Variants in DSCAM observed in about 807,000 individuals in gnomAD.
DSCAM encodes DS cell adhesion molecule.
A neutral mutation model predicts 217.7 loss-of-function variants in DSCAM; 47 were observed. The ratio of observed to expected loss-of-function variants is 0.22; its 90% CI spans 0.17 to 0.28. The LOEUF is 0.28. Ranked by LOEUF, DSCAM falls within the 10% of genes least tolerant of loss-of-function variation. The probability of loss-of-function intolerance (pLI) is 1.00; values close to 1 mark genes in which losing one functional copy is unlikely to be tolerated. For synonymous variants in DSCAM, 1,056 were observed against 1,015.3 expected, an observed-to-expected ratio of 1.04 and a Z score of -0.76; for missense variants, 2,080 against 2,618.3, an observed-to-expected ratio of 0.79 and a Z score of 4.49.
At chr21:40,376,532 GATATCGATATATCTTATATCGATATCT>G in intron 3 of DSCAM, among the ~76,000 whole-genome samples, 1 of 87,702 alleles carries the variant, frequency 1.1e-5, no homozygotes, top group East Asian at 3.4e-4. Context: ...ATCTTATATA[GATATCGATATATCTTATATCGATATCT>G]ATATATCTTA....
At chr21:40,660,885 A>T (rs1398087938) in intron 3 of DSCAM, among the ~76,000 whole-genome samples, 1 of 152,170 alleles carries the variant, frequency 6.6e-6, no homozygotes, top group African/African-American at 2.4e-5. Context: ...TGCTGAAGAA[A>T]AGCAGCCTCC....
At chr21:40,498,317 T>C (rs2076135479) in intron 3 of DSCAM, among the ~76,000 whole-genome samples, 1 of 151,958 alleles carries the variant, frequency 6.6e-6, no homozygotes, top group Non-Finnish European at 1.5e-5. Flanking sequence ...TTTGATTATC[T>C]AAAAATGGGA....
rs375027705 is a variant in DSCAM, at chr21:40,121,966, C to T, written c.3696+2229G>A. 2.6e-5 allele frequency among the ~76,000 whole-genome samples: 4 copies of T among 152,072 alleles called. No individual in the cohort carries two copies. The East Asian group carries it at 5.8e-4, about 22-fold the overall frequency. Reference sequence around the variant, plus strand: ...TTGGCTTCCCAAAGTGCTGGGATTACAGGCGTGAGCCACCGTGCCTTGCTG... The same window carrying T: ...TTGGCTTCCCAAAGTGCTGGGATTATAGGCGTGAGCCACCGTGCCTTGCTG... On this transcript the variant is annotated intron_variant, in intron 20 of 32. Transcript: ENST00000400454.
At chr21:40,145,437 G>A (rs927416668) in intron 16 of DSCAM, among the ~76,000 whole-genome samples, 1 of 152,104 alleles carries the variant, frequency 6.6e-6, no homozygotes, top group Non-Finnish European at 1.5e-5. Context: ...ATTAAATGTG[G>A]GGCAAGAGAG....
intron 19 of DSCAM, among the ~76,000 whole-genome samples, chr21:40,126,620 A>G (rs2090096544): frequency 6.6e-6 from 1 of 152,226 alleles, no homozygotes; most frequent in Admixed American, 6.5e-5. Flanking sequence ...TTAGGGAATA[A>G]ATACATATTT....
intron 3 of DSCAM, among the ~76,000 whole-genome samples, chr21:40,493,225 A>G (rs932414027): frequency 1.3e-5 from 2 of 152,228 alleles, no homozygotes; most frequent in African/African-American, 4.8e-5. Context: ...ATTTTTAAAT[A>G]TTAGCTTATT....
intron 6 of DSCAM, among the ~76,000 whole-genome samples, chr21:40,340,747 C>CT (rs1426801919): frequency 1.3e-5 from 2 of 152,040 alleles, no homozygotes; most frequent in African/African-American, 4.8e-5. Flanking sequence ...TGTTGAATAT[C>CT]TTTTTTGTTG....
At chr21:40,041,019 ATCAT>A (rs1302304630) in intron 32 of DSCAM, among the ~76,000 whole-genome samples, 10 of 152,212 alleles carry the variant, frequency 6.6e-5, no homozygotes, top group African/African-American at 2.4e-4. Flanking sequence ...AAAGGAAGCC[ATCAT>A]TCTTTATTGG....
At chr21:40,013,411 G>A in intron 32 of DSCAM, 25 bp from the exon 33 acceptor site, 2 of 1,483,032 alleles carry the variant, frequency 1.3e-6, no homozygotes, top group Non-Finnish European at 1.8e-6. Context: ...AGGGTAGTTA[G>A]TTGGTGTCTT....
intron 1 of DSCAM, among the ~76,000 whole-genome samples, chr21:40,807,833 C>T (rs377231733): frequency 1.5e-4 from 23 of 152,136 alleles, no homozygotes; most frequent in African/African-American, 5.5e-4. Flanking sequence ...TCTTATCTGT[C>T]CGAGGGGTAT....
rs111382086 is a variant in DSCAM, at chr21:40,456,770, T to C, written c.509-87525A>G. Among the ~76,000 whole-genome samples, 1,280 of 152,304 alleles carry C rather than the reference T, an allele frequency of 8.4e-3. 24 individuals are homozygous for C. Among genetic ancestry groups the C allele is most frequent in the African/African-American group, 0.029 (1,204 of 41,566 alleles). On this transcript the variant is annotated intron_variant, in intron 3 of 32. Transcript: ENST00000400454. ...ATAGGTAAAGCAAATATTGCATATA[T>C]TGATTGTACAATCCAGGTAATGGTT...
chr21:40,261,550 T>C (rs955281492), intron 11 of DSCAM, among the ~76,000 whole-genome samples: 3 of 152,062 alleles, frequency 2.0e-5, no homozygotes, highest in Non-Finnish European at 4.4e-5. Context: ...TAGAGCTTGA[T>C]GGCTTTCAGA....
chr21:40,820,942 T>C (rs550957157), intron 1 of DSCAM, among the ~76,000 whole-genome samples: 33 of 151,818 alleles, frequency 2.2e-4, no homozygotes, highest in Non-Finnish European at 2.4e-4. Context: ...ATCAATAATT[T>C]AGTACAGCAA....
At chr21:40,101,835 T>C (rs1296931874) in intron 20 of DSCAM, among the ~76,000 whole-genome samples, 1 of 151,868 alleles carries the variant, frequency 6.6e-6, no homozygotes, top group East Asian at 1.9e-4. Flanking sequence ...TGGAGGTCTG[T>C]GGATAAGGGA....
At chr21:40,708,878 G>T in intron 1 of DSCAM, 107 bp from the exon 2 acceptor site, 2 of 815,122 alleles carry the variant, frequency 2.5e-6, no homozygotes, top group Non-Finnish European at 3.5e-6. Context: ...ATCATGAGGC[G>T]CAGGCTCAAA....
intron 3 of DSCAM, among the ~76,000 whole-genome samples, chr21:40,474,543 C>T (rs758040118): frequency 2.0e-5 from 3 of 152,118 alleles, no homozygotes; most frequent in African/African-American, 7.2e-5. Flanking sequence ...GCAGCAGCCG[C>T]GGGAGCTGCC....
At position 40,042,377 on chromosome 21, in the gene DSCAM, G is replaced by A. The variant is rs1194037057; in HGVS notation, c.5680C>T (p.Arg1894Trp). Residue 1894 changes from arginine (R) to tryptophan (W), a missense_variant, in exon 32 of 33, where the codon CGG (arginine) becomes TGG (tryptophan). Physicochemically the swap from Arg to Trp is moderately radical, Grantham distance 101 (BLOSUM62 -3). Around this residue, in one of 5 missense-constraint regions of DSCAM, gnomAD observed 145 missense variants for 138.5 expected, o/e 1.05. Coordinates refer to ENST00000400454, the MANE Select transcript of DSCAM (RefSeq NM_001389.5). ...GGTGGCCTTGCTCACCTACCTGGCC[G>A]ATGTGCCTTTGGAACTGCCATATTC... ...VMNMAVPKAH[R>W]PGDLIHLPPY... 6 of 1,613,124 alleles carry A rather than the reference G, an allele frequency of 3.7e-6. No individual in the cohort carries two copies. The highest frequency in any genetic ancestry group is 4.5e-5 in the East Asian group (2 of 44,862).
At chr21:40,654,147 T>C (rs1049199995) in intron 3 of DSCAM, among the ~76,000 whole-genome samples, 2 of 152,052 alleles carry the variant, frequency 1.3e-5, no homozygotes, top group Non-Finnish European at 2.9e-5. Flanking sequence ...ATTACATACA[T>C]GAAAAACTGT....
intron 3 of DSCAM, chr21:40,383,364 A>G (rs1405236150): frequency 1.3e-5 from 2 of 152,362 alleles, no homozygotes; most frequent in Non-Finnish European, 2.9e-5. Flanking sequence ...AGAAAAGAAA[A>G]TGATATATCC....
Sources: gnomAD v4.1 joint callset for allele counts (sites outside exome capture counted in the v4.1 genomes callset) on GRCh38, gnomAD v4.1.1 for gene constraint, gnomAD v4.1.1 regional missense constraint, MANE v1.5 for transcripts, NCBI Gene and HGNC (gene_info 2026-07-23, HGNC 2026-07-21) for gene names.